The following SGK1 variants were observed in gnomAD, a reference collection of about 807,000 sequenced individuals.
SGK1 encodes the protein serum/glucocorticoid regulated kinase 1.
In SGK1, 26 loss-of-function variants were observed where a neutral mutation model predicts 64.2. That is an observed-to-expected ratio of 0.40 (90% CI 0.30 to 0.56). The LOEUF (loss-of-function observed/expected upper bound fraction) is 0.56, where lower values mean the gene tolerates loss of function less well. SGK1 is among the 20% of genes least tolerant of loss of function. SGK1 has a pLI of 0.38. For synonymous variants in SGK1, 265 were observed against 239.7 expected (o/e 1.11, Z -0.98); for missense variants, 519 against 645.6 (o/e 0.80, Z 2.12).
At chr6:134,260,253 G>A (rs1008696102) in intron 2 of SGK1, 1 of 151,808 alleles carries the variant, frequency 6.6e-6, no homozygotes, top group Non-Finnish European at 1.5e-5. Flanking sequence ...GGAGGGTTGA[G>A]GTGGGAGGAT....
Position 134,174,088 on chromosome 6 carries a change from G to A in SGK1, c.438-8C>T. The A allele has an allele frequency of 6.2e-7, 1 of 1,609,208 alleles. No individual in the cohort carries two copies. Among genetic ancestry groups the A allele is most frequent in the Non-Finnish European group, 8.5e-7 (1 of 1,177,628 alleles). On this transcript the variant is annotated splice_region_variant and splice_polypyrimidine_tract_variant and intron_variant, in intron 4 of 13. Transcript: ENST00000367858. Reference sequence around the variant, plus strand: ...ATGGACTGAACTTCAGGGCTGCAGGGAATAAAGGGCACGATTTAGAATCCA... The same window carrying A: ...ATGGACTGAACTTCAGGGCTGCAGGAAATAAAGGGCACGATTTAGAATCCA...
intron 2 of SGK1, among the ~76,000 whole-genome samples, chr6:134,230,138 T>A (rs1776254032): frequency 6.6e-6 from 1 of 151,896 alleles, no homozygotes; most frequent in Non-Finnish European, 1.5e-5. Context: ...TGGAGAAGAG[T>A]TAGGCTTTAC....
intron 2 of SGK1, among the ~76,000 whole-genome samples, chr6:134,216,718 A>T (rs1775992293): frequency 3.3e-5 from 5 of 152,222 alleles, no homozygotes; most frequent in Admixed American, 1.3e-4. Context: ...GGTAGAGCTA[A>T]TGTTTTGTCA....
intron 2 of SGK1, among the ~76,000 whole-genome samples, chr6:134,219,760 CA>C (rs55704631): frequency 4.1e-4 from 50 of 122,398 alleles, no homozygotes; most frequent in African/African-American, 4.0e-4. Flanking sequence ...AACTCTGTCT[CA>C]AAAAAAAAAA....
intron 3 of SGK1, among the ~76,000 whole-genome samples, chr6:134,185,483 C>T (rs1775406208): frequency 6.6e-6 from 1 of 151,940 alleles, no homozygotes; most frequent in Non-Finnish European, 1.5e-5. Context: ...ACAAAAGCCA[C>T]AGCACATATG....
At chr6:134,279,959 GA>G (rs1479839749) in intron 1 of SGK1, among the ~76,000 whole-genome samples, 1 of 152,162 alleles carries the variant, frequency 6.6e-6, no homozygotes, top group Non-Finnish European at 1.5e-5. Context: ...TTGGGAGGTT[GA>G]GGTGGAGGGA....
intron 1 of SGK1, among the ~76,000 whole-genome samples, chr6:134,262,736 C>A: frequency 6.6e-6 from 1 of 151,824 alleles, no homozygotes; most frequent in Non-Finnish European, 1.5e-5. Flanking sequence ...ACCCTCAAAA[C>A]CCAAAAACAA....
intron 1 of SGK1, among the ~76,000 whole-genome samples, chr6:134,264,099 A>G (rs1245352917): frequency 6.6e-6 from 1 of 151,550 alleles, no homozygotes; most frequent in Admixed American, 6.6e-5. Flanking sequence ...AGAGTTTATA[A>G]ACATGCAATT....
intron 1 of SGK1, among the ~76,000 whole-genome samples, chr6:134,309,262 A>T (rs9493896): frequency 0.12 from 18,242 of 152,164 alleles, 1,289 homozygotes; most frequent in African/African-American, 0.19. Context: ...TGTGAGAGTA[A>T]ACAAACTATA....
intron 1 of SGK1, among the ~76,000 whole-genome samples, chr6:134,286,240 C>T (rs1210144342): frequency 6.6e-6 from 1 of 152,192 alleles, no homozygotes; most frequent in Non-Finnish European, 1.5e-5. Flanking sequence ...TATATTTGGG[C>T]TGCGCCTCGT....
intron 3 of SGK1, chr6:134,175,013 G>A (rs544860866): frequency 3.8e-6 from 4 of 1,066,456 alleles, no homozygotes. Flanking sequence ...TGCCTGCGGC[G>A]GGCGGTTCTG....
chr6:134,298,486 T>A, intron 1 of SGK1: 1 of 810,858 alleles, frequency 1.2e-6, no homozygotes, highest in Admixed American at 1.7e-5. Flanking sequence ...CTCAGCAGGC[T>A]CTGGTTGACT....
chr6:134,240,590 A>C (rs1017473901), intron 2 of SGK1, among the ~76,000 whole-genome samples: 1 of 152,228 alleles, frequency 6.6e-6, no homozygotes, highest in East Asian at 1.9e-4. Context: ...TACATACAGT[A>C]GTTGTGGAAA....
chr6:134,289,568 TA>T (rs1291092393), intron 1 of SGK1, among the ~76,000 whole-genome samples: 4 of 152,234 alleles, frequency 2.6e-5, no homozygotes, highest in Admixed American at 6.5e-5. Context: ...AAATTGTACT[TA>T]ATATAAAATT....
chr6:134,201,742 G>C (rs1178068051), intron 3 of SGK1, among the ~76,000 whole-genome samples: 1 of 152,182 alleles, frequency 6.6e-6, no homozygotes, highest in African/African-American at 2.4e-5. Context: ...ACCATGACTA[G>C]AACATGGCCT....
rs2114788625 is a variant in SGK1, at chr6:134,298,558, G to A, written c.69+18834C>T. 8 of 839,112 alleles carry A rather than the reference G, an allele frequency of 9.5e-6. No homozygotes were observed. In the South Asian group the frequency reaches 1.1e-4, roughly 11 times the overall value. The allele number at this position is 839,112 out of a possible 1,614,324, so 52.0% of individuals were successfully genotyped here. On this transcript the variant is annotated intron_variant, in intron 1 of 13. Transcript: ENST00000367858. ...CCATAGCCTCCACCCAGGCTACCCTGGAAGCTGCTGCTGCCCACTCAGGAG... is the reference window on the plus strand; with the variant it reads ...CCATAGCCTCCACCCAGGCTACCCTAGAAGCTGCTGCTGCCCACTCAGGAG...
intron 3 of SGK1, among the ~76,000 whole-genome samples, chr6:134,198,604 CAT>C (rs769689419): frequency 3.3e-5 from 5 of 151,718 alleles, no homozygotes; most frequent in Non-Finnish European, 7.4e-5. Context: ...TTCTGTAGTC[CAT>C]ATGTTTTCAA....
At chr6:134,297,347 G>T in intron 1 of SGK1, 2 of 1,042,472 alleles carry the variant, frequency 1.9e-6, no homozygotes, top group Non-Finnish European at 3.0e-6. Context: ...CCCGCTGCAG[G>T]GCGGCCTCCA....
At chr6:134,187,649 G>A (rs1339120483) in intron 3 of SGK1, among the ~76,000 whole-genome samples, 1 of 152,224 alleles carries the variant, frequency 6.6e-6, no homozygotes, top group African/African-American at 2.4e-5. Flanking sequence ...GTGAATTCCA[G>A]GAGCATGGGC....
Sources: allele counts gnomAD v4.1 joint callset (sites outside exome capture counted in the v4.1 genomes callset), GRCh38; gene constraint gnomAD v4.1.1; transcripts MANE v1.5; gene names NCBI Gene and HGNC (gene_info 2026-07-23, HGNC 2026-07-21).